The following ANKHD1 variants were observed in gnomAD, a reference collection of about 807,000 sequenced individuals.
ANKHD1 encodes the protein ankyrin repeat and KH domain containing 1, also known as ankyrin repeat and KH domain-containing protein 1.
ANKHD1 carries 31 observed loss-of-function variants against 230.5 expected under a neutral mutation model. That is an observed-to-expected ratio of 0.13 (90% CI 0.10 to 0.18). ANKHD1 has a LOEUF of 0.18. ANKHD1 is among the 10% of genes least tolerant of loss of function. The pLI, the probability that ANKHD1 is intolerant of heterozygous loss-of-function variation, is 1.00. For synonymous variants in ANKHD1, 1,074 were observed against 1,117.6 expected (o/e 0.96, Z 0.78); for missense variants, 2,256 against 3,071.3 (o/e 0.73, Z 6.27).
In ANKHD1 at chr5:140,529,184, G is replaced by A. The variant is rs375943803; in HGVS notation, c.6238G>A (p.Glu2080Lys). 9.0e-5 allele frequency: 146 copies of A among 1,614,034 alleles called. No homozygotes were observed. Among genetic ancestry groups the A allele is most frequent in the Non-Finnish European group, 1.2e-4 (146 of 1,180,032 alleles). Residue 2080 changes from glutamate (E) to lysine (K), a missense_variant, in exon 29 of 34, where the codon GAG (glutamate) becomes AAG (lysine). Glu to Lys is a moderately conservative substitution (Grantham distance 56). Around this residue, in one of 13 missense-constraint regions of ANKHD1, gnomAD observed 778 missense variants for 966.5 expected, o/e 0.80. Coordinates refer to ENST00000360839, the MANE Select transcript of ANKHD1 (RefSeq NM_017747.3). ...PTPTSSNTQE[E>K]AQPSSVSDLS... is the part of the protein sequence containing the mutation. ...TCCTACTTCCAGTAACACACAAGAG[G>A]AGGCACAGCCATCCAGTGTGTCTGA... is the stretch of plus-strand genomic sequence containing the variant.
At chr5:140,531,470 A>G (rs1396516721) in intron 29 of ANKHD1, 1 of 197,012 alleles carries the variant, frequency 5.1e-6, no homozygotes. Context: ...AGTCCCAGCT[A>G]CTTGGGAGGC....
chr5:140,473,259 AC>A (rs1750766649), intron 10 of ANKHD1, among the ~76,000 whole-genome samples: 1 of 151,424 alleles, frequency 6.6e-6, no homozygotes, highest in East Asian at 1.9e-4. Context: ...CGAACTCCTG[AC>A]CTTGTGATCT....
In ANKHD1 at chr5:140,507,690, C is replaced by A; in HGVS notation, c.3552-95C>A. 7.1e-7 allele frequency: 1 copy of A among 1,399,348 alleles called. No homozygotes were observed. The highest frequency in any genetic ancestry group is 9.7e-7 in the Non-Finnish European group (1 of 1,032,844). 86.7% of individuals were successfully genotyped at this position (1,399,348 alleles called of 1,614,324 possible). A position where few individuals can be genotyped will look rare whatever the true frequency, so the allele number is the denominator to read the frequency against. ...AAAATCTATTCATTGATGTTAGAAA[C>A]CTCTCTTTTTAGTGAAACCTTTTCA... On this transcript the variant is annotated intron_variant, in intron 19 of 33. Transcript: ENST00000360839. This position sits in a 1 kb window ranked among gnomAD's most constrained non-coding sequence, Gnocchi z 4.1.
intron 1 of ANKHD1, among the ~76,000 whole-genome samples, chr5:140,404,967 CTGTGTGTGTGTGTGTG>C (rs35692572): frequency 0.011 from 1,491 of 134,926 alleles, 30 homozygotes; most frequent in African/African-American, 0.035. Flanking sequence ...CTGTGCATGT[CTGTGTGTGTGTGTGTG>C]TGTGTGTGTG....
chr5:140,408,846 G>C (rs1770693927), intron 1 of ANKHD1, among the ~76,000 whole-genome samples: 1 of 152,086 alleles, frequency 6.6e-6, no homozygotes, highest in Non-Finnish European at 1.5e-5. Flanking sequence ...AGCCTCCCAA[G>C]TAGTCAGGAC....
intron 9 of ANKHD1, among the ~76,000 whole-genome samples, 171 bp from the exon 10 acceptor site, chr5:140,464,496 G>A (rs1349797831): frequency 6.6e-6 from 1 of 151,998 alleles, no homozygotes; most frequent in Non-Finnish European, 1.5e-5. Context: ...GTTCTTTTTG[G>A]TATGACTCAA....
intron 14 of ANKHD1, among the ~76,000 whole-genome samples, chr5:140,495,249 CTTTT>C (rs70988766): frequency 4.0e-5 from 5 of 123,718 alleles, no homozygotes; most frequent in Non-Finnish European, 1.7e-5. Context: ...AATAGTCCTA[CTTTT>C]TTTTTTTTTT....
At chr5:140,448,731 A>G (rs1334205917) in intron 6 of ANKHD1, among the ~76,000 whole-genome samples, 1 of 151,984 alleles carries the variant, frequency 6.6e-6, no homozygotes, top group African/African-American at 2.4e-5. Flanking sequence ...AGTGTTTGTC[A>G]TTTTCTTATT....
chr5:140,425,306 G>T (rs1772315513), intron 1 of ANKHD1, among the ~76,000 whole-genome samples: 1 of 152,140 alleles, frequency 6.6e-6, no homozygotes, highest in Admixed American at 6.5e-5. Flanking sequence ...TTTTGCCCAG[G>T]CTGGAGTGCA....
At chr5:140,516,776 G>A (rs1417917595) in intron 24 of ANKHD1, among the ~76,000 whole-genome samples, 1 of 151,770 alleles carries the variant, frequency 6.6e-6, no homozygotes, top group African/African-American at 2.4e-5. Context: ...CCCTAAAAGA[G>A]CTCCTGAAGG....
intron 1 of ANKHD1, among the ~76,000 whole-genome samples, chr5:140,426,978 C>G (rs904935507): frequency 3.3e-4 from 50 of 152,376 alleles, no homozygotes; most frequent in Middle Eastern, 3.4e-3. Context: ...TCCCCCCTTT[C>G]TATTCCACAA....
At chr5:140,480,469 A>G (rs1253517546) in intron 10 of ANKHD1, among the ~76,000 whole-genome samples, 2 of 152,118 alleles carry the variant, frequency 1.3e-5, no homozygotes, top group East Asian at 1.9e-4. Context: ...TGTCTTTGCC[A>G]TGACTCACGG....
At chr5:140,459,471 G>A (rs1775545099) in intron 9 of ANKHD1, 116 bp downstream of exon 9, 52 of 1,297,104 alleles carry the variant, frequency 4.0e-5, no homozygotes, top group Non-Finnish European at 5.0e-5. Context: ...TTACCAGAGT[G>A]TGGGCATGAG....
chr5:140,518,363 G>A (rs1433941963), intron 24 of ANKHD1, among the ~76,000 whole-genome samples: 1 of 151,986 alleles, frequency 6.6e-6, no homozygotes, highest in Non-Finnish European at 1.5e-5. Context: ...AGAGGTACAA[G>A]GAGGAGCTGG....
At chr5:140,415,155 G>C (rs780716520) in intron 1 of ANKHD1, among the ~76,000 whole-genome samples, 1 of 151,834 alleles carries the variant, frequency 6.6e-6, no homozygotes, top group Non-Finnish European at 1.5e-5. Context: ...GGGCCGAGGC[G>C]GGCCGATCAC....
At position 140,441,115 on chromosome 5, in the gene ANKHD1, G is replaced by A. The variant is rs1358311548; in HGVS notation, c.886G>A (p.Ala296Thr). ...DIVKLLLLHD[A>T]DVNSQSATGN... ...TGTGAAATTATTACTTCTTCATGAT[G>A]CTGATGTCAACTCCCAGTCTGCAAC... Residue 296 changes from alanine (A) to threonine (T), a missense_variant, in exon 5 of 34, where the codon GCT becomes ACT. By Grantham distance (58) the Ala-to-Thr change is moderately conservative. This residue lies in a region of ANKHD1 where 206 missense variants were observed against 304.5 expected (regional missense o/e 0.68). Transcript: ENST00000360839. 1 of 1,605,646 alleles carries A rather than the reference G, an allele frequency of 6.2e-7. No homozygotes were observed. Among genetic ancestry groups the A allele is most frequent in the Non-Finnish European group, 8.5e-7 (1 of 1,177,118 alleles).
chr5:140,420,676 A>G (rs772929781), intron 1 of ANKHD1, among the ~76,000 whole-genome samples: 1 of 152,200 alleles, frequency 6.6e-6, no homozygotes, highest in Non-Finnish European at 1.5e-5. Flanking sequence ...TGTCTGTTCT[A>G]TTCATTGATC....
At chr5:140,486,298 C>T (rs921576369) in intron 13 of ANKHD1, among the ~76,000 whole-genome samples, 10 of 152,158 alleles carry the variant, frequency 6.6e-5, no homozygotes, top group African/African-American at 2.4e-4. Flanking sequence ...CTCCTGAGCT[C>T]AGGCGATCTA....
intron 24 of ANKHD1, among the ~76,000 whole-genome samples, chr5:140,517,051 C>T (rs1394264559): frequency 2.0e-5 from 3 of 148,160 alleles, no homozygotes; most frequent in East Asian, 2.0e-4. Context: ...ACCCATCTCA[C>T]GTGCAGAGAC....
Sources: allele counts gnomAD v4.1 joint callset (sites outside exome capture counted in the v4.1 genomes callset), GRCh38; gene constraint gnomAD v4.1.1; regional missense constraint gnomAD v4.1.1; non-coding constraint Gnocchi (gnomAD v3.1); transcripts MANE v1.5; gene names NCBI Gene and HGNC (gene_info 2026-07-23, HGNC 2026-07-21).